The following DGKK variants were observed in gnomAD, a reference collection of about 807,000 sequenced individuals.
DGKK encodes 142 kDa diacylglycerol kinase.
A neutral mutation model predicts 92.2 loss-of-function variants in DGKK; 35 were observed. The observed-to-expected ratio is 0.38, with a 90% CI of 0.29 to 0.50. The LOEUF is 0.50. Ranked by LOEUF, DGKK falls within the 20% of genes least tolerant of loss-of-function variation. The pLI is 0.92. For synonymous variants in DGKK, 368 were observed against 360.6 expected, an observed-to-expected ratio of 1.02 and a Z score of -0.23; for missense variants, 910 against 992.2, an observed-to-expected ratio of 0.92 and a Z score of 1.11.
At chrX:50,464,632 G>T (rs955718313) in intron 1 of DGKK, among the ~76,000 whole-genome samples, 1 of 109,497 alleles carries the variant, frequency 9.1e-6, no homozygotes, top group Non-Finnish European at 1.9e-5. Context: ...CCTTGGCGAG[G>T]TTGAAGATCC....
At position 50,376,198 on chromosome X, in the gene DGKK, G is replaced by A. The variant is rs782113744; in HGVS notation, c.3273-33C>T. ...AAAGCAAGGACAGATAGATGAGTTG[G>A]GATTTCTGAAGGACTTCTGGCCTGG... On this transcript the variant is annotated intron_variant, in intron 23 of 27. Transcript: ENST00000611977. 5.0e-6 allele frequency: 6 copies of A among 1,198,200 alleles called. No homozygotes were observed. The East Asian group carries it at 9.0e-5, about 18-fold the overall frequency.
intron 3 of DGKK, among the ~76,000 whole-genome samples, 176 bp from the exon 4 acceptor site, chrX:50,420,683 T>A (rs1244174975): frequency 8.9e-6 from 1 of 111,968 alleles, no homozygotes; most frequent in Non-Finnish European, 1.9e-5. Flanking sequence ...CCATCCGAAA[T>A]AATAATAATG....
chrX:50,456,590 T>C (rs1602304910), intron 1 of DGKK, among the ~76,000 whole-genome samples: 1 of 112,324 alleles, frequency 8.9e-6, no homozygotes, highest in African/African-American at 3.2e-5. Flanking sequence ...GTTATTATGC[T>C]GTATTTAGTG....
intron 25 of DGKK, among the ~76,000 whole-genome samples, 185 bp downstream of exon 25, chrX:50,374,786 G>A (rs1557223616): frequency 9.0e-6 from 1 of 111,052 alleles, no homozygotes; most frequent in African/African-American, 3.3e-5. Flanking sequence ...TAGTCCCTGT[G>A]GATTAGCATA....
At chrX:50,447,312 ATGTG>A (rs782634589) in intron 1 of DGKK, among the ~76,000 whole-genome samples, 56 of 38,923 alleles carry the variant, frequency 1.4e-3, no homozygotes, top group African/African-American at 5.4e-3. Flanking sequence ...GAGAAGTAGT[ATGTG>A]TGTGTGTATG....
At position 50,379,511 on chromosome X, in the gene DGKK, A is replaced by C. The variant is rs4275357; in HGVS notation, c.2862+116T>G. The C allele has an allele frequency of 0.28, 165,253 of 593,468 alleles. 19,567 individuals carry two copies. The highest frequency in any genetic ancestry group is 0.58 in the African/African-American group (25,474 of 44,076). 48.9% of individuals were successfully genotyped at this position (593,468 alleles called of 1,213,427 possible). On this transcript the variant is annotated intron_variant, in intron 20 of 27. Coordinates refer to ENST00000611977, the MANE Select transcript of DGKK (RefSeq NM_001013742.4). ...AGCTGCTGCTAATAAAGGTTCTCGGACCACCTCCTCTTCTCCCATTGTCTA... is the reference window on the plus strand; with the variant it reads ...AGCTGCTGCTAATAAAGGTTCTCGGCCCACCTCCTCTTCTCCCATTGTCTA...
chrX:50,429,575 G>A (rs1431949046), intron 1 of DGKK, among the ~76,000 whole-genome samples: 4 of 111,317 alleles, frequency 3.6e-5, no homozygotes, highest in African/African-American at 9.8e-5. Flanking sequence ...TGTAGTCCCA[G>A]CTACTTGGGA....
rs192879334 is a variant in DGKK, at chrX:50,464,358, T to C, written c.645+5676A>G. On this transcript the variant is annotated intron_variant, in intron 1 of 27. Transcript: ENST00000611977. ...TCTTTAGTCATGGAGGAGTGGTATTTCTTTTGTCCCTCCCTCCCGCACCCC... is the reference window on the plus strand; with the variant it reads ...TCTTTAGTCATGGAGGAGTGGTATTCCTTTTGTCCCTCCCTCCCGCACCCC... Among the ~76,000 whole-genome samples the C allele has an allele frequency of 5.6e-3, 616 of 110,149 alleles. 7 individuals are homozygous for C. The highest frequency in any genetic ancestry group is 9.5e-3 in the Non-Finnish European group (503 of 52,730).
At chrX:50,418,941 ACCCTC>A (rs1264249234) in intron 4 of DGKK, among the ~76,000 whole-genome samples, 1 of 111,513 alleles carries the variant, frequency 9.0e-6, no homozygotes, top group Non-Finnish European at 1.9e-5. Context: ...TTCATGAGAA[ACCCTC>A]CAGTTTGAAT....
At chrX:50,369,244 A>T (rs1924049974) in intron 27 of DGKK, among the ~76,000 whole-genome samples, 1 of 110,211 alleles carries the variant, frequency 9.1e-6, no homozygotes, top group Non-Finnish European at 1.9e-5. Context: ...ACTGATATTG[A>T]CTCTGTCAGA....
intron 21 of DGKK, 77 bp from the exon 22 acceptor site, chrX:50,378,309 A>T: frequency 9.3e-7 from 1 of 1,080,688 alleles, no homozygotes; most frequent in Non-Finnish European, 1.2e-6. Flanking sequence ...TCTCATAGTT[A>T]TGGCCTTGAA....
chrX:50,428,609 G>A (rs58869412), intron 1 of DGKK, among the ~76,000 whole-genome samples: 5,234 of 111,690 alleles, frequency 0.047, 203 homozygotes, highest in African/African-American at 0.13. Context: ...TTAGAATGCA[G>A]ATCTTCTTAG....
intron 1 of DGKK, among the ~76,000 whole-genome samples, chrX:50,465,246 C>T (rs2147154565): frequency 9.0e-6 from 1 of 110,691 alleles, no homozygotes; most frequent in Admixed American, 9.6e-5. Context: ...AGGATAACTT[C>T]CTTTTAGAAG....
At chrX:50,419,019 G>A (rs782356922) in intron 4 of DGKK, among the ~76,000 whole-genome samples, 11 of 112,053 alleles carry the variant, frequency 9.8e-5, no homozygotes, top group Non-Finnish European at 1.9e-4. Flanking sequence ...AAAGGAGCAT[G>A]GAATTCACAA....
chrX:50,401,682 T>C (rs1925009361), intron 7 of DGKK, among the ~76,000 whole-genome samples: 1 of 109,790 alleles, frequency 9.1e-6, no homozygotes, highest in Admixed American at 9.8e-5. Context: ...CATCTTCAAG[T>C]GCCACTTCCT....
At chrX:50,410,234 A>G (rs1380087872) in intron 4 of DGKK, among the ~76,000 whole-genome samples, 6 of 112,052 alleles carry the variant, frequency 5.4e-5, no homozygotes, top group Non-Finnish European at 9.4e-5. Context: ...TTTAAAGGAG[A>G]TTTTGGTGAG....
chrX:50,379,987 A>G lies in DGKK; in HGVS notation c.2748T>C (p.His916=). Residue 916 remains histidine, a synonymous_variant, in exon 19 of 28, where the codon CAT becomes CAC. Coordinates refer to ENST00000611977, the MANE Select transcript of DGKK (RefSeq NM_001013742.4). The stretch of plus-strand genomic sequence containing the variant: ...TACCCGCTTTTCCACTAACCTCCAA[A>G]TGCACTCGTTCTTCCAGTTTCCTGT... ...RSYRKLEERV[H]LECDGETISL... 1 of 1,210,368 alleles carries G rather than the reference A, an allele frequency of 8.3e-7. No individual in the cohort carries two copies. Among genetic ancestry groups the G allele is most frequent in the Non-Finnish European group, 1.1e-6 (1 of 894,406 alleles).
rs781790829 is a variant in DGKK at position 50,379,586 on chromosome X, ATCATGCC to A, written c.2862+34_2862+40del. The A allele has an allele frequency of 5.8e-5, 62 of 1,073,538 alleles. 1 individual carries two copies. In the East Asian group the frequency reaches 8.5e-4, roughly 15 times the overall value. The allele number at this position is 1,073,538 out of a possible 1,213,427, so 88.5% of individuals were successfully genotyped here. The stretch of plus-strand genomic sequence containing the variant: ...CTTCCTTCAGAGAGACCTTAGTGGG[ATCATGCC>A]TTTCTTCCTCCCCATTCCTTGTTCC... On this transcript the variant is annotated intron_variant, in intron 20 of 27. Transcript: ENST00000611977.
chrX:50,438,392 A>C (rs1206963036), intron 1 of DGKK, among the ~76,000 whole-genome samples: 1 of 111,923 alleles, frequency 8.9e-6, no homozygotes, highest in Non-Finnish European at 1.9e-5. Context: ...TACAGATAAG[A>C]CACTGAAGCT....
Sources: gnomAD v4.1 joint callset for allele counts (sites outside exome capture counted in the v4.1 genomes callset) on GRCh38, gnomAD v4.1.1 for gene constraint, MANE v1.5 for transcripts, NCBI Gene and HGNC (gene_info 2026-07-23, HGNC 2026-07-21) for gene names.